GALNT3: variants seen among roughly 807,000 people sequenced by gnomAD.
The protein encoded by GALNT3 is polypeptide N-acetylgalactosaminyltransferase 3.
In GALNT3, 51 loss-of-function variants were observed where a neutral mutation model predicts 69.8. That is an observed-to-expected ratio of 0.73 (90% CI 0.58 to 0.92). The LOEUF is 0.92. Among genes scored for constraint, GALNT3 ranks in the 40% least tolerant of loss-of-function variants. The pLI is 0.00. For synonymous variants in GALNT3, 265 were observed against 248.5 expected (o/e 1.07, Z -0.63); for missense variants, 711 against 760.0 (o/e 0.94, Z 0.76).
At chr2:165,773,249 T>G (rs991021230) in intron 1 of GALNT3, among the ~76,000 whole-genome samples, 5 of 152,216 alleles carry the variant, frequency 3.3e-5, no homozygotes, top group Admixed American at 1.3e-4. Context: ...TTTTTCATGG[T>G]CATGGATAAG....
chr2:165,758,543 C>G (rs1688486950), intron 6 of GALNT3: 2 of 449,950 alleles, frequency 4.4e-6, no homozygotes, highest in East Asian at 3.9e-5. Context: ...TAACTGATTC[C>G]TCTTGTTACA....
In GALNT3 at chr2:165,757,199, CA is replaced by C; in HGVS notation, c.1239del (p.Gly414AspfsTer18). On this transcript the variant is annotated frameshift_variant, in exon 7 of 11. Transcript: ENST00000392701. LOFTEE classifies it high-confidence loss of function. ...GQLEIMPCSV[V>X]GHVFRSKSPH... ...GGGCTTTTGCTGCGAAAAACATGTC[CA>C]ACAACAGAGCAAGGCATAATCTCCA... 3.1e-6 allele frequency: 5 copies of C among 1,614,052 alleles called. No individual in the cohort carries two copies. Among genetic ancestry groups the C allele is most frequent in the Non-Finnish European group, 3.4e-6 (4 of 1,179,962 alleles).
intron 1 of GALNT3, among the ~76,000 whole-genome samples, chr2:165,786,192 A>T (rs12997299): frequency 0.025 from 3,793 of 152,328 alleles, 68 homozygotes; most frequent in Non-Finnish European, 0.038. Context: ...ATATTGATAC[A>T]TTAAGAAACA....
intron 1 of GALNT3, among the ~76,000 whole-genome samples, chr2:165,786,864 G>A (rs1345666751): frequency 6.6e-6 from 1 of 152,162 alleles, no homozygotes. Flanking sequence ...GACTAAATAA[G>A]TAAACTCATG....
Position 165,757,243 on chromosome 2 carries a change from C to T in GALNT3, c.1196G>A (p.Trp399Ter). 1 of 1,613,472 alleles carries T rather than the reference C, an allele frequency of 6.2e-7. No homozygotes were observed. ...GENIEMSFRVWQCGGQLEIMP... is the reference protein window; with the variant it reads ...GENIEMSFRV ...AATCTCCAACTGCCCACCACATTGC[C>T]ATACCTGATAATTAATGATATTTGT... Residue 399 changes from tryptophan to a stop codon, truncating the protein, a stop_gained, in exon 7 of 11, where the codon TGG becomes TAG. Transcript: ENST00000392701. LOFTEE classifies it high-confidence loss of function.
intron 1 of GALNT3, among the ~76,000 whole-genome samples, chr2:165,778,053 T>C (rs925643091): frequency 6.6e-6 from 1 of 152,182 alleles, no homozygotes; most frequent in African/African-American, 2.4e-5. Context: ...ATGTGAAAGG[T>C]TGCTGATAGA....
At chr2:165,789,686 T>G (rs768584417) in intron 1 of GALNT3, among the ~76,000 whole-genome samples, 1 of 135,892 alleles carries the variant, frequency 7.4e-6, no homozygotes, top group South Asian at 2.6e-4. Context: ...CTGGGCAACA[T>G]AGTGAGACCT....
In GALNT3 at chr2:165,754,695, C is replaced by A; in HGVS notation, c.1558G>T (p.Val520Phe). The A allele has an allele frequency of 6.2e-7, 1 of 1,613,554 alleles. No homozygotes were observed. Among genetic ancestry groups the A allele is most frequent in the Non-Finnish European group, 8.5e-7 (1 of 1,179,738 alleles). ...TTGCCTCCTTGATTGTTTTCTCCAA[C>A]ATCCAGACATAGAGGCTGACCAACG... ...KSVGQPLCLDVGENNQGGKPL... is the reference protein window; with the variant it reads ...KSVGQPLCLDFGENNQGGKPL... Residue 520 changes from valine (V) to phenylalanine (F), a missense_variant, in exon 9 of 11, where the codon GTT becomes TTT. Transcript: ENST00000392701.
chr2:165,757,182 G>A lies in GALNT3; in HGVS notation c.1257C>T (p.Ser419=). 6.2e-7 allele frequency: 1 copy of A among 1,614,098 alleles called. No individual in the cohort carries two copies. Among genetic ancestry groups the A allele is most frequent in the Non-Finnish European group, 8.5e-7 (1 of 1,179,972 alleles). The part of the protein sequence containing the change: ...PCSVVGHVFR[S]KSPHSFPKGT... ...CTTTTGGAAAGCTATGAGGGCTTTT[G>A]CTGCGAAAAACATGTCCAACAACAG... Residue 419 remains serine, a synonymous_variant, in exon 7 of 11, where the codon AGC becomes AGT. Coordinates refer to ENST00000392701, the MANE Select transcript of GALNT3 (RefSeq NM_004482.4).
At chr2:165,793,741 G>C (rs1044263931) in intron 1 of GALNT3, 1 of 152,408 alleles carries the variant, frequency 6.6e-6, no homozygotes, top group African/African-American at 2.4e-5. Context: ...TCTCCGTCCA[G>C]CTCCTCAGGG....
chr2:165,786,311 G>C (rs1683219182), intron 1 of GALNT3, among the ~76,000 whole-genome samples: 1 of 152,162 alleles, frequency 6.6e-6, no homozygotes, highest in South Asian at 2.1e-4. Context: ...AGGAGGGGCA[G>C]AGTTGACTGG....
Position 165,770,711 on chromosome 2 carries a change from A to T in GALNT3, c.-11T>A. 1 of 1,600,890 alleles carries T rather than the reference A, an allele frequency of 6.2e-7. No individual in the cohort carries two copies. The highest frequency in any genetic ancestry group is 1.1e-5 in the South Asian group (1 of 90,410). ...CTTTAGGTGAGCCATTCTGACATTA[A>T]AAGCTTGTCACTTGACAAATAACAG... On this transcript the variant is annotated 5_prime_UTR_variant, in exon 2 of 11. Transcript: ENST00000392701.
chr2:165,748,780 C>A lies in GALNT3; in HGVS notation c.*1G>T, dbSNP rs146884408. 1 of 1,608,630 alleles carries A rather than the reference C, an allele frequency of 6.2e-7. No homozygotes were observed. Among genetic ancestry groups the A allele is most frequent in the African/African-American group, 1.3e-5 (1 of 74,904 alleles). ...TTTTTCAACTTAATTTTAAGGAACA[C>A]TTAATCATTTTGGCTAAGTATCCAT... On this transcript the variant is annotated 3_prime_UTR_variant, in exon 11 of 11. Coordinates refer to ENST00000392701, the MANE Select transcript of GALNT3 (RefSeq NM_004482.4).
chr2:165,788,762 A>C (rs1043401245), intron 1 of GALNT3, among the ~76,000 whole-genome samples: 1 of 152,136 alleles, frequency 6.6e-6, no homozygotes, highest in Admixed American at 6.5e-5. Context: ...AACAATAAGA[A>C]GTCTATTGCT....
At position 165,749,035 on chromosome 2, in the gene GALNT3, ACT is replaced by A. The variant is rs141590938; in HGVS notation, c.1780-134_1780-133del. The A allele has an allele frequency of 1.2e-3, 1,074 of 929,986 alleles. 9 individuals carry two copies. The African/African-American group carries it at 0.016, about 14-fold the overall frequency. The allele number at this position is 929,986 out of a possible 1,614,324, so 57.6% of individuals were successfully genotyped here. ...TTCTAAGGTGAGCCATGTCTGATAAACTCTTTTTGGCTTCTAGTGTAAATGCC... is the reference window on the plus strand; with the variant it reads ...TTCTAAGGTGAGCCATGTCTGATAAACTTTTTGGCTTCTAGTGTAAATGCC... On this transcript the variant is annotated intron_variant, in intron 10 of 10. Transcript: ENST00000392701.
Position 165,748,792 on chromosome 2 carries a change from G to A in GALNT3, c.1891C>T (p.Gln631Ter). 1 of 1,610,296 alleles carries A rather than the reference G, an allele frequency of 6.2e-7. No individual in the cohort carries two copies. The highest frequency in any genetic ancestry group is 8.5e-7 in the Non-Finnish European group (1 of 1,177,806). The change falls in exon 11 of 11, where the codon CAA (glutamine) becomes TAA (stop). Residue 631 changes from glutamine to a stop codon, truncating the protein, a stop_gained. Transcript: ENST00000392701. LOFTEE classifies it high-confidence loss of function. ...ATTTTAAGGAACACTTAATCATTTTGGCTAAGTATCCATTTTTGGAGTGGA... is the reference window on the plus strand; with the variant it reads ...ATTTTAAGGAACACTTAATCATTTTAGCTAAGTATCCATTTTTGGAGTGGA... Reference protein sequence around the residue: ...SDPLQKWILSQND With the variant: ...SDPLQKWILS
At chr2:165,773,372 G>A (rs1368708738) in intron 1 of GALNT3, among the ~76,000 whole-genome samples, 2 of 152,110 alleles carry the variant, frequency 1.3e-5, no homozygotes, top group African/African-American at 4.8e-5. Flanking sequence ...ATTATTGTGA[G>A]GTCTCCCCAG....
intron 1 of GALNT3, among the ~76,000 whole-genome samples, chr2:165,772,037 C>T (rs1688762179): frequency 1.3e-5 from 2 of 152,096 alleles, no homozygotes. Flanking sequence ...AAGTGAGATT[C>T]CAATCTTTCT....
At chr2:165,786,698 G>A (rs959087687) in intron 1 of GALNT3, among the ~76,000 whole-genome samples, 23 of 152,086 alleles carry the variant, frequency 1.5e-4, no homozygotes, top group African/African-American at 4.3e-4. Flanking sequence ...AACAGAAGGC[G>A]AACTGTGCAG....
Sources: gnomAD v4.1 joint callset for allele counts (sites outside exome capture counted in the v4.1 genomes callset) on GRCh38, gnomAD v4.1.1 for gene constraint, MANE v1.5 for transcripts, NCBI Gene and HGNC (gene_info 2026-07-23, HGNC 2026-07-21) for gene names.